The following ELAVL2 variants were observed in gnomAD, a reference collection of about 807,000 sequenced individuals.
ELAVL2 encodes the protein ELAV like RNA binding protein 2.
ELAVL2 carries 4 observed loss-of-function variants against 34.6 expected under a neutral mutation model. That is an observed-to-expected ratio of 0.12 (90% CI 0.06 to 0.26). The LOEUF (loss-of-function observed/expected upper bound fraction) is 0.26. Ranked by LOEUF, ELAVL2 falls within the 10% of genes least tolerant of loss-of-function variation. The probability of loss-of-function intolerance (pLI) is 1.00; values close to 1 mark genes in which losing one functional copy is unlikely to be tolerated. For missense variants in ELAVL2, 432 were observed against 442.8 expected (o/e 0.98, Z 0.22); for synonymous variants, 193 against 154.8 (o/e 1.25, Z -1.83).
At chr9:23,693,114 T>C (rs1422904156) in intron 6 of ELAVL2, among the ~76,000 whole-genome samples, 2 of 152,242 alleles carry the variant, frequency 1.3e-5, no homozygotes, top group African/African-American at 4.8e-5. Flanking sequence ...TTCACTGTAC[T>C]GAATATCATC....
In ELAVL2 at chr9:23,825,911, G is replaced by A. The variant is rs982700845; in HGVS notation, c.-121C>T. ...CTGGATAGTTCTCTTAAGACAGCAC[G>A]AAACCTAAACTGTGCTCGGCTTAAA... On this transcript the variant is annotated 5_prime_UTR_variant, in exon 1 of 7. Coordinates refer to ENST00000397312, the MANE Select transcript of ELAVL2 (RefSeq NM_004432.5). 2.6e-5 allele frequency: 4 copies of A among 152,062 alleles called. No individual in the cohort carries two copies. The highest frequency in any genetic ancestry group is 5.9e-5 in the Non-Finnish European group (4 of 68,030). The allele number at this position is 152,062 out of a possible 1,614,324, so 9.4% of individuals were successfully genotyped here.
intron 1 of ELAVL2, among the ~76,000 whole-genome samples, chr9:23,771,416 G>GAT (rs1442882522): frequency 2.6e-5 from 4 of 151,486 alleles, no homozygotes; most frequent in East Asian, 1.9e-4. Context: ...AGAAAATAAG[G>GAT]ATATATATAT....
chr9:23,729,887 A>C (rs1262677536), intron 3 of ELAVL2, among the ~76,000 whole-genome samples: 1 of 152,118 alleles, frequency 6.6e-6, no homozygotes, highest in Non-Finnish European at 1.5e-5. Context: ...CCTGAAAAAA[A>C]TGAGCAAAAA....
At chr9:23,844,245 A>G in the ELAVL2 span, among the ~76,000 whole-genome samples, 13 of 152,096 alleles carry the variant, frequency 8.5e-5, no homozygotes, top group South Asian at 2.1e-3. Context: ...TGACATCTCT[A>G]TCTCTTACAC....
chr9:23,769,398 T>TC (rs1450477407), intron 1 of ELAVL2, among the ~76,000 whole-genome samples: 1 of 152,158 alleles, frequency 6.6e-6, no homozygotes, highest in Admixed American at 6.6e-5. Context: ...GCTTTATCTT[T>TC]CCCATTCAAA....
intron 2 of ELAVL2, among the ~76,000 whole-genome samples, chr9:23,741,440 G>GT (rs1564202873): frequency 6.6e-6 from 1 of 152,150 alleles, no homozygotes; most frequent in Non-Finnish European, 1.5e-5. Context: ...AGATGCAGAT[G>GT]TAAGACTGTA....
chr9:23,837,655 A>G, the ELAVL2 span, among the ~76,000 whole-genome samples: 1 of 152,166 alleles, frequency 6.6e-6, no homozygotes, highest in African/African-American at 2.4e-5. Context: ...TATTTATTGG[A>G]GTACCTTTAA....
chr9:23,691,408 G>A lies in ELAVL2; in HGVS notation c.*1149C>T, dbSNP rs2033138077. On this transcript the variant is annotated 3_prime_UTR_variant, in exon 7 of 7. Coordinates refer to ENST00000397312, the MANE Select transcript of ELAVL2 (RefSeq NM_004432.5). ...GCTGATTTGCTGCAGTACAAATCAT[G>A]TGCAACGTCTTTTTTCCTTAAGACA... 1 of 152,522 alleles carries A rather than the reference G, an allele frequency of 6.6e-6. No individual in the cohort carries two copies. Among genetic ancestry groups the A allele is most frequent in the South Asian group, 2.1e-4 (1 of 4,820 alleles). The allele number at this position is 152,522 out of a possible 1,614,324, so 9.4% of individuals were successfully genotyped here. A position where few individuals can be genotyped will look rare whatever the true frequency, so the allele number is the denominator to read the frequency against.
At chr9:23,709,534 G>C (rs964229626) in intron 3 of ELAVL2, among the ~76,000 whole-genome samples, 6 of 152,044 alleles carry the variant, frequency 3.9e-5, no homozygotes, top group Non-Finnish European at 5.9e-5. Context: ...TTTTCAGAAA[G>C]TGTTAAGTAT....
At chr9:23,781,889 T>C (rs1304630478) in intron 1 of ELAVL2, among the ~76,000 whole-genome samples, 1 of 152,110 alleles carries the variant, frequency 6.6e-6, no homozygotes, top group Admixed American at 6.5e-5. Flanking sequence ...TTTCAGCGTG[T>C]TAGTCAGGAT....
chr9:23,730,948 A>G, intron 3 of ELAVL2, 74 bp downstream of exon 3: 4 of 1,379,184 alleles, frequency 2.9e-6, no homozygotes, highest in Non-Finnish European at 4.0e-6. Flanking sequence ...GGAAGAAAGG[A>G]AAGAACTACA....
chr9:23,702,505 G>T (rs1439760976), intron 4 of ELAVL2, among the ~76,000 whole-genome samples: 1 of 151,798 alleles, frequency 6.6e-6, no homozygotes, highest in Non-Finnish European at 1.5e-5. Flanking sequence ...ACCACAGCTG[G>T]TCATCATGAG....
intron 2 of ELAVL2, among the ~76,000 whole-genome samples, chr9:23,734,307 T>C (rs1278504912): frequency 2.0e-5 from 3 of 152,330 alleles, no homozygotes; most frequent in African/African-American, 7.2e-5. Context: ...TCTCACCTTT[T>C]AGCTACATGG....
At chr9:23,767,425 C>T (rs1341859210) in intron 1 of ELAVL2, among the ~76,000 whole-genome samples, 1 of 152,114 alleles carries the variant, frequency 6.6e-6, no homozygotes, top group Non-Finnish European at 1.5e-5. Context: ...CTAAGGTAAT[C>T]AGCTTCTTCA....
At chr9:23,835,209 T>G in the ELAVL2 span, among the ~76,000 whole-genome samples, 14 of 152,248 alleles carry the variant, frequency 9.2e-5, 1 homozygote, top group South Asian at 2.9e-3. Context: ...AATCAATGAG[T>G]CAAATATATA....
chr9:23,833,425 A>T, the ELAVL2 span, among the ~76,000 whole-genome samples: 7 of 151,886 alleles, frequency 4.6e-5, no homozygotes, highest in Non-Finnish European at 7.4e-5. Flanking sequence ...CTGTTCTTTA[A>T]TACAGATAAG....
At chr9:23,739,499 T>C (rs2048649048) in intron 2 of ELAVL2, among the ~76,000 whole-genome samples, 1 of 152,144 alleles carries the variant, frequency 6.6e-6, no homozygotes, top group Non-Finnish European at 1.5e-5. Context: ...CTTTCTCATT[T>C]CTTTGTTAAT....
chr9:23,746,246 A>G (rs960920613), intron 2 of ELAVL2, among the ~76,000 whole-genome samples: 8 of 152,198 alleles, frequency 5.3e-5, no homozygotes, highest in African/African-American at 1.7e-4. Context: ...AGGGGCTTCT[A>G]ACCAATTACA....
the ELAVL2 span, among the ~76,000 whole-genome samples, chr9:23,841,990 A>G: frequency 1.3e-5 from 2 of 152,330 alleles, no homozygotes; most frequent in African/African-American, 4.8e-5. Context: ...CTCTATGTTA[A>G]AACTTCAAAA....
Sources: gnomAD v4.1 joint callset for allele counts (sites outside exome capture counted in the v4.1 genomes callset) on GRCh38, gnomAD v4.1.1 for gene constraint, MANE v1.5 for transcripts, NCBI Gene and HGNC (gene_info 2026-07-23, HGNC 2026-07-21) for gene names.